Variants in ATP10B observed in about 807,000 individuals in gnomAD.
ATP10B encodes the protein ATPase phospholipid transporting 10B (putative).
A neutral mutation model predicts 141.2 loss-of-function variants in ATP10B; 122 were observed. The observed-to-expected ratio is 0.86, with a 90% CI of 0.75 to 1.00. The LOEUF (loss-of-function observed/expected upper bound fraction) is 1.00, where lower values mean the gene tolerates loss of function less well. ATP10B is among the 50% of genes least tolerant of loss of function. The pLI is 0.00. For synonymous variants in ATP10B, 685 were observed against 692.0 expected (o/e 0.99, Z 0.16); for missense variants, 1,876 against 1,825.3 (o/e 1.03, Z -0.51).
At chr5:160,567,430 A>C (rs1017421015) in intron 25 of ATP10B, among the ~76,000 whole-genome samples, 1 of 152,172 alleles carries the variant, frequency 6.6e-6, no homozygotes, top group Non-Finnish European at 1.5e-5. Flanking sequence ...TCCATTTATA[A>C]CTATAGTCAC....
Position 160,612,768 on chromosome 5 carries a change from A to G in ATP10B, c.2811T>C (p.Thr937=). 1 of 1,613,996 alleles carries G rather than the reference A, an allele frequency of 6.2e-7. No homozygotes were observed. Among genetic ancestry groups the G allele is most frequent in the Non-Finnish European group, 8.5e-7 (1 of 1,179,946 alleles). The change falls in exon 18 of 26, where the codon ACT becomes ACC. Residue 937 remains threonine (T), a synonymous_variant. Transcript: ENST00000327245. ...HSCRLLNQTD[T]VYTINTENQE... ...GATTCTCTGTATTGATGGTATAAAC[A>G]GTGTCGGTCTGATTTAACAGTCTGC...
intron 3 of ATP10B, among the ~76,000 whole-genome samples, chr5:160,690,991 TG>T (rs1764042027): frequency 6.6e-6 from 1 of 152,042 alleles, no homozygotes; most frequent in South Asian, 2.1e-4. Flanking sequence ...ATAAAGAAAA[TG>T]TGGCACATAC....
At chr5:160,636,367 C>A in intron 10 of ATP10B, 58 bp from the exon 11 acceptor site, 6 of 1,563,512 alleles carry the variant, frequency 3.8e-6, no homozygotes, top group South Asian at 2.4e-5. Context: ...TAAAGTTGGT[C>A]AATTATACCA....
the ATP10B span, among the ~76,000 whole-genome samples, chr5:160,913,951 A>G: frequency 1.5e-4 from 23 of 152,334 alleles, no homozygotes; most frequent in Admixed American, 4.6e-4. Flanking sequence ...TTTCTCTCTA[A>G]TACGAAAGTA....
intron 6 of ATP10B, among the ~76,000 whole-genome samples, chr5:160,682,892 A>T (rs1247955548): frequency 6.6e-6 from 1 of 151,844 alleles, no homozygotes; most frequent in Non-Finnish European, 1.5e-5. Flanking sequence ...ACAAAAAATT[A>T]GCCAGGCGTG....
At chr5:160,596,600 A>G (rs941622765) in intron 22 of ATP10B, among the ~76,000 whole-genome samples, 2 of 149,030 alleles carry the variant, frequency 1.3e-5, no homozygotes, top group Non-Finnish European at 1.5e-5. Context: ...AGGAAGTCAA[A>G]TTGTCCCTGT....
the ATP10B span, among the ~76,000 whole-genome samples, chr5:160,922,876 C>G: frequency 6.6e-6 from 1 of 152,216 alleles, no homozygotes; most frequent in Non-Finnish European, 1.5e-5. Context: ...TCAGCTGTCC[C>G]CACATATAGC....
chr5:160,864,070 C>T, the ATP10B span, among the ~76,000 whole-genome samples: 1 of 151,850 alleles, frequency 6.6e-6, no homozygotes, highest in Admixed American at 6.6e-5. Flanking sequence ...AAGAGGGAAT[C>T]CTCCCTAAGT....
intron 24 of ATP10B, among the ~76,000 whole-genome samples, chr5:160,583,961 G>A (rs1400052692): frequency 1.3e-5 from 2 of 152,132 alleles, no homozygotes; most frequent in Non-Finnish European, 2.9e-5. Flanking sequence ...TTAGCTTACT[G>A]GGCTCCATGG....
intron 2 of ATP10B, among the ~76,000 whole-genome samples, chr5:160,780,699 T>C (rs1225985841): frequency 6.6e-6 from 1 of 152,182 alleles, no homozygotes; most frequent in East Asian, 1.9e-4. Context: ...TTTCAATAGA[T>C]ACTTTTAGAT....
At chr5:160,865,858 A>G in the ATP10B span, among the ~76,000 whole-genome samples, 70 of 152,278 alleles carry the variant, frequency 4.6e-4, 1 homozygote, top group East Asian at 0.013. Flanking sequence ...CAAAACTACA[A>G]TGTGATACCA....
rs568380106 is a variant in ATP10B, at chr5:160,671,849, A to C, written c.471-1182T>G. Among the ~76,000 whole-genome samples, 5 of 152,000 alleles carry C rather than the reference A, an allele frequency of 3.3e-5. No individual in the cohort carries two copies. In the East Asian group the frequency reaches 9.7e-4, roughly 29 times the overall value. On this transcript the variant is annotated intron_variant, in intron 6 of 25. Transcript: ENST00000327245. ...TCACAAAAACAGAGCTGGAACCTGA[A>C]CCTGGGTCCAGCCCGACACCAAAAC...
chr5:160,833,287 A>G (rs1053475024), intron 1 of ATP10B, among the ~76,000 whole-genome samples: 1 of 152,324 alleles, frequency 6.6e-6, no homozygotes, highest in Middle Eastern at 3.4e-3. Flanking sequence ...TCTTGAAACT[A>G]TCACTAATAA....
intron 25 of ATP10B, among the ~76,000 whole-genome samples, chr5:160,567,423 A>AT (rs1043120312): frequency 7.2e-5 from 11 of 152,134 alleles, no homozygotes; most frequent in African/African-American, 2.4e-4. Flanking sequence ...TGCCCCCTCC[A>AT]TTTATAACTA....
At chr5:160,595,698 G>T (rs1278038344) in intron 22 of ATP10B, among the ~76,000 whole-genome samples, 1 of 151,950 alleles carries the variant, frequency 6.6e-6, no homozygotes, top group Non-Finnish European at 1.5e-5. Context: ...AATAAAAAAT[G>T]ATAAAGGGGA....
intron 5 of ATP10B, chr5:160,687,016 G>A (rs1295855525): frequency 2.1e-6 from 2 of 948,724 alleles, no homozygotes; most frequent in Non-Finnish European, 2.5e-6. Context: ...TGCATGTACA[G>A]GTCTGTCTGC....
chr5:160,779,565 C>T (rs1262275874), intron 2 of ATP10B, among the ~76,000 whole-genome samples: 1 of 152,144 alleles, frequency 6.6e-6, no homozygotes, highest in Non-Finnish European at 1.5e-5. Context: ...TGTGACTAAT[C>T]ACCATGTCAG....
At chr5:160,738,021 A>G (rs1048199443) in intron 2 of ATP10B, among the ~76,000 whole-genome samples, 2 of 152,136 alleles carry the variant, frequency 1.3e-5, no homozygotes, top group African/African-American at 4.8e-5. Flanking sequence ...TCAAGGATAC[A>G]TGCTTATCAG....
intron 3 of ATP10B, among the ~76,000 whole-genome samples, chr5:160,714,791 T>TC (rs1765493039): frequency 7.0e-6 from 1 of 143,302 alleles, no homozygotes; most frequent in Non-Finnish European, 1.5e-5. Context: ...AGATGGGTTT[T>TC]CGGTGTAGAT....
Sources: gnomAD v4.1 joint callset for allele counts (sites outside exome capture counted in the v4.1 genomes callset) on GRCh38, gnomAD v4.1.1 for gene constraint, MANE v1.5 for transcripts, NCBI Gene and HGNC (gene_info 2026-07-23, HGNC 2026-07-21) for gene names.